PCDHA9: variants seen among roughly 807,000 people sequenced by gnomAD.
The protein encoded by PCDHA9 is protocadherin alpha 9.
A neutral mutation model predicts 62.0 loss-of-function variants in PCDHA9; 62 were observed. That is an observed-to-expected ratio of 1.00 (90% confidence interval 0.81 to 1.23). PCDHA9 has a LOEUF of 1.23. PCDHA9 is among the 50% of genes most tolerant of loss of function. PCDHA9 has a pLI of 0.00. For missense variants in PCDHA9, 1,205 were observed against 1,249.8 expected, an observed-to-expected ratio of 0.96 and a Z score of 0.54; for synonymous variants, 557 against 567.6, an observed-to-expected ratio of 0.98 and a Z score of 0.27.
intron 1 of PCDHA9, chr5:140,927,088 T>C (rs1554204002): frequency 6.2e-7 from 1 of 1,612,662 alleles, no homozygotes; most frequent in Admixed American, 1.7e-5. Context: ...CGAGCTCTAC[T>C]TCGGGGTGGA....
chr5:140,882,877 G>A, intron 1 of PCDHA9: 1 of 1,614,208 alleles, frequency 6.2e-7, no homozygotes, highest in Non-Finnish European at 8.5e-7. Context: ...TGGACAGAGA[G>A]GAAATTCAGG....
chr5:140,962,852 T>G (rs2095713840), intron 1 of PCDHA9, among the ~76,000 whole-genome samples: 2 of 152,216 alleles, frequency 1.3e-5, no homozygotes, highest in Admixed American at 1.3e-4. Context: ...TAACTTGTGC[T>G]CGGTTTGTAG....
In PCDHA9 at chr5:140,848,815, A is replaced by G; in HGVS notation, c.320A>G (p.Glu107Gly). The G allele has an allele frequency of 2.5e-6, 4 of 1,591,096 alleles. No homozygotes were observed. The highest frequency in any genetic ancestry group is 2.6e-6 in the Non-Finnish European group (3 of 1,162,582). ...GRSAECSIHL[E>G]VIVDRPLQVF... ...AGCGCGGAGTGCAGCATCCACCTGGAGGTGATCGTAGACAGGCCGCTGCAG... is the reference window on the plus strand; with the variant it reads ...AGCGCGGAGTGCAGCATCCACCTGGGGGTGATCGTAGACAGGCCGCTGCAG... The change falls in exon 1 of 4, where the codon GAG (glutamate) becomes GGG (glycine). Residue 107 changes from glutamate to glycine, a missense_variant. Glu to Gly is a moderately conservative substitution (Grantham distance 98, BLOSUM62 -2). This residue lies in a region of PCDHA9 where 208 missense variants were observed against 213.2 expected (regional missense o/e 0.98). Coordinates refer to ENST00000532602, the MANE Select transcript of PCDHA9 (RefSeq NM_031857.2).
chr5:140,974,782 C>T (rs1211935245), intron 1 of PCDHA9, among the ~76,000 whole-genome samples: 11 of 152,150 alleles, frequency 7.2e-5, no homozygotes, highest in African/African-American at 2.7e-4. Context: ...GCCACTGCGC[C>T]CAGCCCTCAT....
At chr5:140,958,218 A>C (rs1240262632) in intron 1 of PCDHA9, among the ~76,000 whole-genome samples, 2 of 152,120 alleles carry the variant, frequency 1.3e-5, no homozygotes, top group Admixed American at 1.3e-4. Flanking sequence ...TTAGATTTTA[A>C]AGGACTTTCA....
chr5:140,975,841 G>T (rs1389959509), intron 1 of PCDHA9, among the ~76,000 whole-genome samples: 1 of 152,066 alleles, frequency 6.6e-6, no homozygotes, highest in Non-Finnish European at 1.5e-5. Context: ...TTATTCTTCA[G>T]TAATACTACA....
chr5:140,949,924 A>AT (rs144693243), intron 1 of PCDHA9, among the ~76,000 whole-genome samples: 6 of 151,302 alleles, frequency 4.0e-5, no homozygotes, highest in African/African-American at 7.3e-5. Context: ...CTATTTTTAG[A>AT]TTTTTTTTAA....
In PCDHA9 at chr5:140,928,040, GC is replaced by G. The variant is rs782389793; in HGVS notation, c.2395-50906del. The G allele has an allele frequency of 2.1e-4, 337 of 1,614,060 alleles. 1 individual carries two copies. Among genetic ancestry groups the G allele is most frequent in the Non-Finnish European group, 2.6e-4 (309 of 1,180,038 alleles). ...GTCATTTGTGGCATGTCTAGTGCAG[GC>G]CCTTTTCAGCTGACGGCTTCCTTTG... is the stretch of plus-strand genomic sequence containing the variant. On this transcript the variant is annotated intron_variant, in intron 1 of 3. Coordinates refer to ENST00000532602, the MANE Select transcript of PCDHA9 (RefSeq NM_031857.2).
chr5:140,932,710 C>T (rs2088563538), intron 1 of PCDHA9, among the ~76,000 whole-genome samples: 1 of 151,522 alleles, frequency 6.6e-6, no homozygotes, highest in African/African-American at 2.4e-5. Context: ...ATAGACAACA[C>T]AATAATATTG....
rs147430561 is a variant in PCDHA9, at chr5:140,928,238, A to G, written c.2395-50711A>G. 4.7e-4 allele frequency: 756 copies of G among 1,614,188 alleles called. 4 individuals carry two copies. The African/African-American group carries it at 9.0e-3, about 19-fold the overall frequency. Reference sequence around the variant, plus strand: ...AATACACCAAACTTTCCTCAACCCCAGCAGGAACTTTTCGTTGCTGAAAAC... The same window carrying G: ...AATACACCAAACTTTCCTCAACCCCGGCAGGAACTTTTCGTTGCTGAAAAC... On this transcript the variant is annotated intron_variant, in intron 1 of 3. Coordinates refer to ENST00000532602, the MANE Select transcript of PCDHA9 (RefSeq NM_031857.2).
At chr5:140,965,143 G>A (rs1451263269) in intron 1 of PCDHA9, among the ~76,000 whole-genome samples, 1 of 152,230 alleles carries the variant, frequency 6.6e-6, no homozygotes, top group Admixed American at 6.5e-5. Context: ...AGAATACTGG[G>A]AGATGAAGAG....
chr5:140,926,905 G>A (rs1228610236), intron 1 of PCDHA9: 1 of 1,558,988 alleles, frequency 6.4e-7, no homozygotes, highest in Admixed American at 1.8e-5. Flanking sequence ...GGTGGGCTGT[G>A]GGGTGGCAGT....
intron 1 of PCDHA9, chr5:140,869,548 G>C (rs2051232334): frequency 1.2e-6 from 2 of 1,614,084 alleles, no homozygotes; most frequent in African/African-American, 2.7e-5. Context: ...TAAGCAATCG[G>C]ACTCGCGTTT....
At chr5:140,876,554 A>C (rs2056417075) in intron 1 of PCDHA9, 2 of 1,614,052 alleles carry the variant, frequency 1.2e-6, no homozygotes, top group African/African-American at 2.7e-5. Context: ...CCTGTGCAAG[A>C]GGATGCTCAG....
intron 1 of PCDHA9, among the ~76,000 whole-genome samples, chr5:140,950,128 A>T (rs1488144119): frequency 6.6e-6 from 1 of 151,920 alleles, no homozygotes; most frequent in Non-Finnish European, 1.5e-5. Flanking sequence ...AACCCACAAG[A>T]CACAGTTATA....
At chr5:140,908,021 C>T (rs958070573) in intron 1 of PCDHA9, among the ~76,000 whole-genome samples, 28 of 152,314 alleles carry the variant, frequency 1.8e-4, no homozygotes, top group African/African-American at 6.7e-4. Flanking sequence ...TGGCTACAGC[C>T]CATTAATCAG....
chr5:140,916,210 A>G, intron 1 of PCDHA9, among the ~76,000 whole-genome samples: 1 of 152,210 alleles, frequency 6.6e-6, no homozygotes, highest in East Asian at 1.9e-4. Context: ...GCCCTGGGGA[A>G]GATCCAAATA....
At chr5:140,910,037 C>G (rs1290917830) in intron 1 of PCDHA9, among the ~76,000 whole-genome samples, 1 of 152,198 alleles carries the variant, frequency 6.6e-6, no homozygotes, top group Non-Finnish European at 1.5e-5. Context: ...ATAAATCCCA[C>G]TTGGTCATAA....
At chr5:140,869,908 C>G in intron 1 of PCDHA9, 4 of 1,610,646 alleles carry the variant, frequency 2.5e-6, no homozygotes, top group Non-Finnish European at 3.4e-6. Flanking sequence ...CGCCACAGAC[C>G]GAGACGAAGG....
Sources: gnomAD v4.1 joint callset for allele counts (sites outside exome capture counted in the v4.1 genomes callset) on GRCh38, gnomAD v4.1.1 for gene constraint, gnomAD v4.1.1 regional missense constraint, MANE v1.5 for transcripts, NCBI Gene and HGNC (gene_info 2026-07-23, HGNC 2026-07-21) for gene names.